The following STIM2 variants were observed in gnomAD, a reference collection of about 807,000 sequenced individuals.
STIM2 encodes the protein stromal interaction molecule 2.
Under a neutral mutation model 85.8 loss-of-function variants are expected in STIM2, and 31 were observed. The observed-to-expected ratio is 0.36, with a 90% CI of 0.27 to 0.49. STIM2 has a LOEUF of 0.49. Ranked by LOEUF, STIM2 falls within the 20% of genes least tolerant of loss-of-function variation. The probability of loss-of-function intolerance (pLI) is 0.98; values close to 1 mark genes in which losing one functional copy is unlikely to be tolerated. For missense variants in STIM2, 841 were observed against 927.6 expected, an observed-to-expected ratio of 0.91 and a Z score of 1.21; for synonymous variants, 356 against 331.1, an observed-to-expected ratio of 1.08 and a Z score of -0.82.
At chr4:26,958,505 G>A (rs1011507812) in intron 3 of STIM2, among the ~76,000 whole-genome samples, 4 of 152,104 alleles carry the variant, frequency 2.6e-5, no homozygotes, top group South Asian at 2.1e-4. Context: ...GTTTACTTGA[G>A]TCATTATGAT....
chr4:26,862,189 T>G (rs964306654), intron 1 of STIM2, among the ~76,000 whole-genome samples: 2 of 152,202 alleles, frequency 1.3e-5, no homozygotes, highest in Non-Finnish European at 1.5e-5. Flanking sequence ...TAAGGTTAAG[T>G]GCAGAATTGT....
chr4:27,016,696 G>A (rs1165783924), intron 10 of STIM2, among the ~76,000 whole-genome samples: 1 of 152,200 alleles, frequency 6.6e-6, no homozygotes, highest in Non-Finnish European at 1.5e-5. Context: ...AGCCCTTCTA[G>A]GTCCAGGCTT....
chr4:26,886,861 A>AAGGTCT (rs1723270098), intron 1 of STIM2, among the ~76,000 whole-genome samples: 2 of 152,196 alleles, frequency 1.3e-5, no homozygotes, highest in Admixed American at 1.3e-4. Flanking sequence ...GACACTCTAG[A>AAGGTCT]AGGTCTAGTC....
intron 3 of STIM2, among the ~76,000 whole-genome samples, chr4:26,971,676 G>A (rs541660627): frequency 6.6e-6 from 1 of 152,294 alleles, no homozygotes; most frequent in Admixed American, 6.5e-5. Flanking sequence ...GTCAGGTAGT[G>A]TGATGCCTCC....
At chr4:27,002,443 TAAA>T (rs1454996839) in intron 6 of STIM2, 49 bp downstream of exon 6, 1 of 1,472,294 alleles carries the variant, frequency 6.8e-7, no homozygotes, top group Admixed American at 2.2e-5. Context: ...ATACAATTTG[TAAA>T]AAAAGTGATA....
chr4:26,987,531 A>G (rs906070259), intron 3 of STIM2, among the ~76,000 whole-genome samples: 1 of 152,056 alleles, frequency 6.6e-6, no homozygotes, highest in African/African-American at 2.4e-5. Flanking sequence ...GATTCCATAC[A>G]TCATCCTGTC....
chr4:26,899,191 T>G (rs2109050735), intron 1 of STIM2, among the ~76,000 whole-genome samples: 1 of 152,252 alleles, frequency 6.6e-6, no homozygotes, highest in East Asian at 1.9e-4. Flanking sequence ...TTCCCATGAT[T>G]ACATGAGTTT....
At chr4:26,989,779 A>G (rs968279643) in intron 3 of STIM2, among the ~76,000 whole-genome samples, 3 of 152,176 alleles carry the variant, frequency 2.0e-5, no homozygotes, top group Admixed American at 6.5e-5. Context: ...AGGATACAAA[A>G]TCAACCTACA....
At chr4:26,942,268 A>G (rs577432480) in intron 2 of STIM2, among the ~76,000 whole-genome samples, 1 of 152,174 alleles carries the variant, frequency 6.6e-6, no homozygotes, top group South Asian at 2.1e-4. Context: ...ACTTGATCTC[A>G]TCCCCTATCC....
intron 3 of STIM2, among the ~76,000 whole-genome samples, chr4:26,960,355 GTA>G (rs1228535170): frequency 6.6e-6 from 1 of 151,954 alleles, no homozygotes; most frequent in Non-Finnish European, 1.5e-5. Context: ...CAGAAAGTGT[GTA>G]TGTTTGTGTG....
chr4:26,873,987 C>G (rs1434904639), intron 1 of STIM2: 1 of 928,200 alleles, frequency 1.1e-6, no homozygotes, highest in African/African-American at 1.6e-5. Flanking sequence ...TTCTGTGCCC[C>G]TCTCTTTCTC....
At chr4:27,012,810 G>A (rs2109140634) in intron 10 of STIM2, among the ~76,000 whole-genome samples, 1 of 152,050 alleles carries the variant, frequency 6.6e-6, no homozygotes, top group Admixed American at 6.5e-5. Flanking sequence ...TTACTTTTAA[G>A]TTAAGGAAAG....
intron 1 of STIM2, among the ~76,000 whole-genome samples, chr4:26,897,892 A>G (rs1438800906): frequency 1.3e-5 from 2 of 152,070 alleles, no homozygotes; most frequent in African/African-American, 4.8e-5. Context: ...CAGCCTCCCA[A>G]ATAGCTGGGA....
intron 1 of STIM2, among the ~76,000 whole-genome samples, chr4:26,900,927 C>T (rs1008368257): frequency 6.6e-6 from 1 of 152,228 alleles, no homozygotes; most frequent in Non-Finnish European, 1.5e-5. Flanking sequence ...GCAGACCCCT[C>T]TTCCCTCCAG....
chr4:26,951,382 G>A (rs974399503), intron 2 of STIM2, among the ~76,000 whole-genome samples: 2 of 152,076 alleles, frequency 1.3e-5, no homozygotes, highest in Non-Finnish European at 2.9e-5. Context: ...GGGAAACTGC[G>A]TGGCACTGTT....
At chr4:26,974,062 C>T (rs1560225798) in intron 3 of STIM2, among the ~76,000 whole-genome samples, 1 of 151,836 alleles carries the variant, frequency 6.6e-6, no homozygotes, top group Admixed American at 6.6e-5. Context: ...GCAACTGCTG[C>T]TTTTTTTTGC....
intron 3 of STIM2, among the ~76,000 whole-genome samples, chr4:26,963,134 A>G (rs1726547111): frequency 6.6e-6 from 1 of 152,196 alleles, no homozygotes; most frequent in African/African-American, 2.4e-5. Context: ...AGACTAAATG[A>G]CCAAGAGTAT....
intron 3 of STIM2, among the ~76,000 whole-genome samples, chr4:26,992,672 G>T (rs957423319): frequency 6.6e-6 from 1 of 152,078 alleles, no homozygotes; most frequent in Admixed American, 6.6e-5. Flanking sequence ...CAAACAGCAC[G>T]TACAGAGGCC....
At chr4:27,014,858 A>G (rs953159784) in intron 10 of STIM2, among the ~76,000 whole-genome samples, 17 of 152,096 alleles carry the variant, frequency 1.1e-4, no homozygotes, top group African/African-American at 4.1e-4. Context: ...GGTGAATACA[A>G]GTTCAGGTAT....
Sources: gnomAD v4.1 joint callset for allele counts (sites outside exome capture counted in the v4.1 genomes callset) on GRCh38, gnomAD v4.1.1 for gene constraint, MANE v1.5 for transcripts, NCBI Gene and HGNC (gene_info 2026-07-23, HGNC 2026-07-21) for gene names.